Variants in OTC observed in about 807,000 individuals in gnomAD.
OTC encodes ornithine transcarbamylase.
OTC carries 3 observed loss-of-function variants against 30.3 expected under a neutral mutation model. The ratio of observed to expected loss-of-function variants is 0.10; its 90% confidence interval spans 0.05 to 0.26. The LOEUF (loss-of-function observed/expected upper bound fraction) is 0.26, where lower values mean the gene tolerates loss of function less well. Ranked by LOEUF, OTC falls within the 10% of genes least tolerant of loss-of-function variation. OTC has a pLI of 1.00. For missense variants in OTC, 194 were observed against 260.3 expected (o/e 0.75, Z 1.75); for synonymous variants, 111 against 99.7 (o/e 1.11, Z -0.67).
the OTC span, among the ~76,000 whole-genome samples, chrX:38,345,947 T>C: frequency 9.0e-6 from 1 of 111,490 alleles, no homozygotes; most frequent in Non-Finnish European, 1.9e-5. Flanking sequence ...AACTGTGAAC[T>C]AAGTTTCTCC....
upstream of OTC, chrX:38,352,401 G>A: frequency 6.8e-6 from 2 of 295,369 alleles, no homozygotes; most frequent in Non-Finnish European, 6.1e-6. Flanking sequence ...TTTTGTACAT[G>A]CGTGTGACAG....
chrX:38,351,396 C>T (rs1253410267), upstream of OTC, among the ~76,000 whole-genome samples: 1 of 111,575 alleles, frequency 9.0e-6, no homozygotes, highest in Non-Finnish European at 1.9e-5. Flanking sequence ...TTCCTCCTAC[C>T]CTTCCTACCT....
chrX:38,403,069 C>G (rs2068497276), intron 5 of OTC, among the ~76,000 whole-genome samples: 1 of 111,590 alleles, frequency 9.0e-6, no homozygotes. Context: ...ACCTTGGTCT[C>G]CCAAAGTGCT....
At chrX:38,350,932 T>C (rs1274991481), upstream of OTC, among the ~76,000 whole-genome samples, 2 of 112,169 alleles carry the variant, frequency 1.8e-5, no homozygotes, top group Non-Finnish European at 3.8e-5. Flanking sequence ...TCAGGCTCCA[T>C]GCAAACGTTC....
chrX:38,367,721 A>T (rs1266772476), intron 2 of OTC, among the ~76,000 whole-genome samples: 10 of 110,141 alleles, frequency 9.1e-5, no homozygotes, highest in African/African-American at 3.3e-4. Context: ...TTATTTATTT[A>T]TTTATTTATT....
intron 9 of OTC, among the ~76,000 whole-genome samples, chrX:38,415,439 A>G (rs1038230705): frequency 9.0e-6 from 1 of 111,488 alleles, no homozygotes; most frequent in African/African-American, 3.3e-5. Flanking sequence ...CACTGCCGTG[A>G]TACATTTTTC....
chrX:38,409,105 G>C, intron 8 of OTC, 80 bp downstream of exon 8: 3 of 1,021,642 alleles, frequency 2.9e-6, no homozygotes, highest in South Asian at 1.9e-5. Context: ...TTCACTTTAG[G>C]GGGAGCAGAC....
intron 1 of OTC, among the ~76,000 whole-genome samples, chrX:38,356,664 G>T (rs2068243251): frequency 9.0e-6 from 1 of 110,706 alleles, no homozygotes; most frequent in African/African-American, 3.3e-5. Context: ...GAAAGAATCA[G>T]TCAGGGGAGT....
chrX:38,368,224 G>T (rs1021692728), intron 2 of OTC, among the ~76,000 whole-genome samples: 2 of 110,879 alleles, frequency 1.8e-5, no homozygotes, highest in Non-Finnish European at 3.8e-5. Flanking sequence ...GCCGGGCATG[G>T]TGGCACATGC....
chrX:38,340,473 G>GTTTTTTTTTTTTTTTTTTTTTTTTTT, the OTC span, among the ~76,000 whole-genome samples: 2 of 56,127 alleles, frequency 3.6e-5, no homozygotes, highest in African/African-American at 6.6e-5. Context: ...TTTTTTTTTT[G>GTTTTTTTTTTTTTTTTTTTTTTTTTT]TTTTTTTTTT....
intron 9 of OTC, 26 bp downstream of exon 9, chrX:38,412,025 A>G (rs369568396): frequency 1.2e-5 from 15 of 1,204,723 alleles, no homozygotes; most frequent in Non-Finnish European, 1.5e-5. Context: ...GGAATGGAGG[A>G]TAAGTTCTTT....
At chrX:38,411,495 G>A (rs62589228) in intron 8 of OTC, among the ~76,000 whole-genome samples, 5 of 109,334 alleles carry the variant, frequency 4.6e-5, no homozygotes, top group African/African-American at 9.9e-5. Flanking sequence ...GTGAAATCCC[G>A]TCTCTACTAA....
the OTC span, among the ~76,000 whole-genome samples, chrX:38,328,542 G>A: frequency 8.9e-6 from 1 of 111,826 alleles, no homozygotes; most frequent in East Asian, 2.8e-4. Flanking sequence ...TTGGCAGAGA[G>A]TAAATTGTGT....
At chrX:38,340,458 T>TA in the OTC span, among the ~76,000 whole-genome samples, 2 of 84,605 alleles carry the variant, frequency 2.4e-5, no homozygotes, top group Non-Finnish European at 4.7e-5. Context: ...ATTGTTTTTT[T>TA]GTTTTTTTTT....
chrX:38,352,702 G>A lies in OTC; in HGVS notation c.6G>A (p.Leu2=). Residue 2 remains leucine, a synonymous_variant, in exon 1 of 10, where the codon CTG becomes CTA. Coordinates refer to ENST00000039007, the MANE Select transcript of OTC (RefSeq NM_000531.6). ...CTTTACACAATTAAAAGAAGATGCT[G>A]TTTAATCTGAGGATCCTGTTAAACA... M[L]FNLRILLNNA... is the part of the protein sequence containing the mutation. 1 of 1,201,469 alleles carries A rather than the reference G, an allele frequency of 8.3e-7. No homozygotes were observed. The highest frequency in any genetic ancestry group is 1.1e-6 in the Non-Finnish European group (1 of 886,097).
intron 9 of OTC, among the ~76,000 whole-genome samples, chrX:38,413,797 G>A (rs1200151255): frequency 9.1e-6 from 1 of 109,290 alleles, no homozygotes; most frequent in African/African-American, 3.3e-5. Context: ...AGCCTCACAA[G>A]TAGCTGGGAT....
upstream of OTC, among the ~76,000 whole-genome samples, chrX:38,349,181 G>A (rs1183914060): frequency 2.7e-5 from 3 of 111,757 alleles, 1 homozygote; most frequent in African/African-American, 9.8e-5. Context: ...GGAAGCACTG[G>A]CAGGGTAGTG....
At chrX:38,366,265 A>G (rs1214392226) in intron 1 of OTC, among the ~76,000 whole-genome samples, 1 of 111,988 alleles carries the variant, frequency 8.9e-6, no homozygotes, top group Non-Finnish European at 1.9e-5. Flanking sequence ...ACCTGCAGCA[A>G]ATTTCTTAAG....
At chrX:38,344,424 C>T in the OTC span, among the ~76,000 whole-genome samples, 1 of 111,742 alleles carries the variant, frequency 8.9e-6, no homozygotes, top group Non-Finnish European at 1.9e-5. Flanking sequence ...GCTTATAAAA[C>T]ATTCTGGGAA....
Sources: allele counts gnomAD v4.1 joint callset (sites outside exome capture counted in the v4.1 genomes callset), GRCh38; gene constraint gnomAD v4.1.1; transcripts MANE v1.5; gene names NCBI Gene and HGNC (gene_info 2026-07-23, HGNC 2026-07-21).